The following CNST variants were observed in gnomAD, a reference collection of about 807,000 sequenced individuals.
The protein encoded by CNST is consortin, connexin sorting protein.
CNST carries 39 observed loss-of-function variants against 72.4 expected under a neutral mutation model. The ratio of observed to expected loss-of-function variants is 0.54; its 90% CI spans 0.42 to 0.70. The LOEUF (loss-of-function observed/expected upper bound fraction) is 0.70, where lower values mean the gene tolerates loss of function less well. Among genes scored for constraint, CNST ranks in the 30% least tolerant of loss-of-function variants. The probability of loss-of-function intolerance (pLI) is 0.00; values close to 1 mark genes in which losing one functional copy is unlikely to be tolerated. For synonymous variants in CNST, 332 were observed against 320.1 expected, an observed-to-expected ratio of 1.04 and a Z score of -0.40; for missense variants, 871 against 868.5, an observed-to-expected ratio of 1.00 and a Z score of -0.04.
intron 2 of CNST, among the ~76,000 whole-genome samples, chr1:246,619,642 A>T (rs1663924235): frequency 6.6e-6 from 1 of 152,232 alleles, no homozygotes; most frequent in Non-Finnish European, 1.5e-5. Flanking sequence ...TTAGAGTAGA[A>T]CATAAATAGG....
At chr1:246,619,968 C>T (rs1246303544) in intron 2 of CNST, among the ~76,000 whole-genome samples, 2 of 96,282 alleles carry the variant, frequency 2.1e-5, no homozygotes, top group Non-Finnish European at 4.4e-5. Context: ...CGTGCATACA[C>T]ACGATGGGCT....
chr1:246,636,541 T>C (rs1200285122), intron 6 of CNST, among the ~76,000 whole-genome samples: 1 of 152,180 alleles, frequency 6.6e-6, no homozygotes, highest in African/African-American at 2.4e-5. Context: ...TGCTTATGGT[T>C]TTTGTGTAAA....
At chr1:246,619,708 AG>A (rs1266959614) in intron 2 of CNST, among the ~76,000 whole-genome samples, 1 of 152,274 alleles carries the variant, frequency 6.6e-6, no homozygotes, top group East Asian at 1.9e-4. Flanking sequence ...TCAGAAAGGC[AG>A]GAAGTATTTT....
chr1:246,665,689 C>T lies in CNST; in HGVS notation c.1973-11C>T, dbSNP rs1667359776. 1 of 1,610,508 alleles carries T rather than the reference C, an allele frequency of 6.2e-7. No homozygotes were observed. Among genetic ancestry groups the T allele is most frequent in the Non-Finnish European group, 8.5e-7 (1 of 1,178,236 alleles). On this transcript the variant is annotated splice_polypyrimidine_tract_variant and intron_variant, in intron 10 of 10. Coordinates refer to ENST00000366513, the MANE Select transcript of CNST (RefSeq NM_152609.3). ...GTGACAATGTAACCTCACTCTTTCTCATGTTTGCAGATGAAGTTGGAGGTG... is the reference window on the plus strand; with the variant it reads ...GTGACAATGTAACCTCACTCTTTCTTATGTTTGCAGATGAAGTTGGAGGTG...
intron 3 of CNST, among the ~76,000 whole-genome samples, chr1:246,627,444 A>AAGT (rs1664511501): frequency 6.6e-6 from 1 of 152,190 alleles, no homozygotes; most frequent in Non-Finnish European, 1.5e-5. Flanking sequence ...CCTTCTCAGG[A>AAGT]AGCCACTAGG....
intron 1 of CNST, chr1:246,569,738 A>T (rs545283609): frequency 9.1e-5 from 14 of 154,082 alleles, no homozygotes; most frequent in African/African-American, 3.4e-4. Flanking sequence ...TCTTTCTCTT[A>T]GTGTTGACTG....
intron 9 of CNST, among the ~76,000 whole-genome samples, chr1:246,650,207 C>T (rs1429567082): frequency 2.6e-5 from 4 of 152,172 alleles, no homozygotes; most frequent in African/African-American, 9.7e-5. Flanking sequence ...ACTCAAAACA[C>T]AATGTCACTT....
chr1:246,650,433 T>A (rs1666384589), intron 9 of CNST, among the ~76,000 whole-genome samples: 1 of 152,158 alleles, frequency 6.6e-6, no homozygotes. Context: ...TTCTGAATAC[T>A]TACTACCCTC....
chr1:246,644,312 C>T (rs1245170240), intron 8 of CNST, among the ~76,000 whole-genome samples: 1 of 150,370 alleles, frequency 6.7e-6, no homozygotes, highest in Non-Finnish European at 1.5e-5. Flanking sequence ...TGGCGTGAAC[C>T]CGGGAGGCGG....
chr1:246,657,274 T>C (rs1666826817), intron 9 of CNST, among the ~76,000 whole-genome samples: 1 of 152,142 alleles, frequency 6.6e-6, no homozygotes, highest in South Asian at 2.1e-4. Context: ...GGCCTGCATC[T>C]CTTATGCATA....
At chr1:246,660,986 T>G (rs1443253920) in intron 10 of CNST, among the ~76,000 whole-genome samples, 1 of 152,052 alleles carries the variant, frequency 6.6e-6, no homozygotes, top group Non-Finnish European at 1.5e-5. Context: ...TTTGTTTTTT[T>G]TTTAAGACGG....
chr1:246,637,024 G>A (rs567391497), intron 6 of CNST, among the ~76,000 whole-genome samples: 3 of 152,340 alleles, frequency 2.0e-5, no homozygotes, highest in Non-Finnish European at 2.9e-5. Flanking sequence ...GCACAGCATC[G>A]GATTGGGTAG....
At chr1:246,603,355 A>C (rs1662440842) in intron 2 of CNST, among the ~76,000 whole-genome samples, 4 of 151,754 alleles carry the variant, frequency 2.6e-5, no homozygotes. Context: ...CTAAATAGTC[A>C]CCTTTTGCTT....
intron 1 of CNST, among the ~76,000 whole-genome samples, chr1:246,586,141 G>GTGTGTGTGTGTGTGTGTA (rs1488972688): frequency 1.4e-5 from 2 of 145,146 alleles, no homozygotes; most frequent in Non-Finnish European, 3.0e-5. Context: ...GTGTGTGTGT[G>GTGTGTGTGTGTGTGTGTA]TATATATTAC....
At chr1:246,606,668 C>T (rs1175191054) in intron 2 of CNST, 1 of 151,088 alleles carries the variant, frequency 6.6e-6, no homozygotes, top group African/African-American at 2.4e-5. Context: ...GCCCAGGTGG[C>T]AGGACCGTAA....
chr1:246,607,053 C>G (rs1387758767), intron 2 of CNST: 3 of 152,408 alleles, frequency 2.0e-5, no homozygotes, highest in Middle Eastern at 3.1e-3. Flanking sequence ...GACCAGGCTC[C>G]GGGGGGTAAC....
At chr1:246,596,791 A>G (rs1313439465) in intron 2 of CNST, among the ~76,000 whole-genome samples, 2 of 152,174 alleles carry the variant, frequency 1.3e-5, no homozygotes, top group African/African-American at 2.4e-5. Context: ...AGATTTGTCT[A>G]CTCTGAACAT....
At chr1:246,595,949 C>A (rs1661850149) in intron 2 of CNST, among the ~76,000 whole-genome samples, 1 of 152,088 alleles carries the variant, frequency 6.6e-6, no homozygotes, top group Non-Finnish European at 1.5e-5. Flanking sequence ...GGAGACATGT[C>A]ACTGTTTATG....
rs1182115906 is a variant in CNST, at chr1:246,647,666, C to G, written c.1465C>G (p.Leu489Val). 2 of 1,614,186 alleles carry G rather than the reference C, an allele frequency of 1.2e-6. No individual in the cohort carries two copies. The highest frequency in any genetic ancestry group is 3.3e-5 in the Admixed American group (2 of 60,030). The change falls in exon 9 of 11, where the codon CTT becomes GTT. Residue 489 changes from leucine (L) to valine (V), a missense_variant. Coordinates refer to ENST00000366513, the MANE Select transcript of CNST (RefSeq NM_152609.3). ...ATTAAATGAGCTGCAGCAGCCTGAT[C>G]TTACAGACAGTGATGGAAAATCACC... ...NELNELQQPD[L>V]TDSDGKSPQA...
Sources: gnomAD v4.1 joint callset for allele counts (sites outside exome capture counted in the v4.1 genomes callset) on GRCh38, gnomAD v4.1.1 for gene constraint, MANE v1.5 for transcripts, NCBI Gene and HGNC (gene_info 2026-07-23, HGNC 2026-07-21) for gene names.